The following SIL1 variants were observed in gnomAD, a reference collection of about 807,000 sequenced individuals.
The protein encoded by SIL1 is nucleotide exchange factor SIL1.
Under a neutral mutation model 49.1 loss-of-function variants are expected in SIL1, and 40 were observed. The ratio of observed to expected loss-of-function variants is 0.81; its 90% CI spans 0.63 to 1.06. The LOEUF is 1.06. SIL1 is among the 50% of genes least tolerant of loss of function. The probability of loss-of-function intolerance (pLI) is 0.00; values close to 1 mark genes in which losing one functional copy is unlikely to be tolerated. For missense variants in SIL1, 500 were observed against 572.6 expected (o/e 0.87, Z 1.29); for synonymous variants, 253 against 250.8 (o/e 1.01, Z -0.08).
At chr5:139,111,443 T>G (rs1223841564) in intron 3 of SIL1, among the ~76,000 whole-genome samples, 1 of 152,126 alleles carries the variant, frequency 6.6e-6, no homozygotes, top group Non-Finnish European at 1.5e-5. Flanking sequence ...CCTTCCAACA[T>G]ACAGAAAACC....
In SIL1 at chr5:139,180,456, GC is replaced by G. The variant is rs547875430; in HGVS notation, c.-11+17812del. 1.1e-3 allele frequency among the ~76,000 whole-genome samples: 159 copies of G among 147,198 alleles called. 1 individual carries two copies. Among genetic ancestry groups the G allele is most frequent in the African/African-American group, 2.3e-3 (93 of 39,770 alleles). On this transcript the variant is annotated intron_variant, in intron 1 of 9. Coordinates refer to ENST00000394817, the MANE Select transcript of SIL1 (RefSeq NM_022464.5). ...GACTTTTTTCTCCTACCCCAATGCT[GC>G]CTTTGTGGGTCATCTATTAGCCCCA... is the stretch of plus-strand genomic sequence containing the variant.
At chr5:139,113,674 C>G (rs1770926612) in intron 3 of SIL1, among the ~76,000 whole-genome samples, 2 of 152,196 alleles carry the variant, frequency 1.3e-5, no homozygotes, top group Non-Finnish European at 2.9e-5. Context: ...AGCTCTAGGC[C>G]AGCCCTTGAG....
At chr5:139,103,301 G>A (rs1396372261) in intron 3 of SIL1, among the ~76,000 whole-genome samples, 1 of 152,198 alleles carries the variant, frequency 6.6e-6, no homozygotes, top group Non-Finnish European at 1.5e-5. Flanking sequence ...ACCACAGCAA[G>A]TATTCCTCTT....
chr5:138,946,810 G>A lies in SIL1; in HGVS notation c.*307C>T, dbSNP rs1185395203. ...AAGCGACTTCCCAAGGTACAGAGCTGCTGCTTGGTAAGAAGCAGAGACTTG... is the reference window on the plus strand; with the variant it reads ...AAGCGACTTCCCAAGGTACAGAGCTACTGCTTGGTAAGAAGCAGAGACTTG... On this transcript the variant is annotated 3_prime_UTR_variant, in exon 10 of 10. Coordinates refer to ENST00000394817, the MANE Select transcript of SIL1 (RefSeq NM_022464.5). 3 of 455,212 alleles carry A rather than the reference G, an allele frequency of 6.6e-6. No individual in the cohort carries two copies. The highest frequency in any genetic ancestry group is 4.3e-5 in the East Asian group (1 of 23,514). The allele number at this position is 455,212 out of a possible 1,614,324, so 28.2% of individuals were successfully genotyped here.
chr5:138,986,001 G>A (rs921084375), intron 7 of SIL1, among the ~76,000 whole-genome samples: 2 of 152,156 alleles, frequency 1.3e-5, no homozygotes, highest in African/African-American at 4.8e-5. Context: ...TGATTAACAT[G>A]GCTAGTCCAC....
intron 4 of SIL1, among the ~76,000 whole-genome samples, chr5:139,049,275 C>A (rs183339644): frequency 2.0e-5 from 3 of 152,168 alleles, no homozygotes; most frequent in Non-Finnish European, 4.4e-5. Context: ...CAGGTTCAAG[C>A]GATTCTTCTG....
At chr5:139,035,295 C>T (rs1768877294) in intron 5 of SIL1, 2 of 522,352 alleles carry the variant, frequency 3.8e-6, no homozygotes, top group Admixed American at 3.9e-5. Flanking sequence ...AGATTGGTGC[C>T]GCATCTGTCA....
intron 7 of SIL1, among the ~76,000 whole-genome samples, chr5:138,978,957 T>A (rs571942034): frequency 6.6e-6 from 1 of 152,214 alleles, no homozygotes; most frequent in Non-Finnish European, 1.5e-5. Context: ...AGATAAAAAG[T>A]CCCTTACCAG....
intron 6 of SIL1, among the ~76,000 whole-genome samples, chr5:139,024,860 ATC>A (rs1768608758): frequency 6.6e-6 from 1 of 152,088 alleles, no homozygotes; most frequent in Non-Finnish European, 1.5e-5. Context: ...TCCTCCCATT[ATC>A]TCTCTGAGCT....
intron 7 of SIL1, among the ~76,000 whole-genome samples, chr5:138,974,715 A>C (rs1489863505): frequency 1.3e-5 from 2 of 152,188 alleles, no homozygotes; most frequent in South Asian, 2.1e-4. Flanking sequence ...TTGGGAAGTC[A>C]ATGCTCCTCT....
chr5:139,011,905 G>A lies in SIL1; in HGVS notation c.767+9266C>T, dbSNP rs188228172. Among the ~76,000 whole-genome samples the A allele has an allele frequency of 2.2e-3, 333 of 152,230 alleles. 1 individual carries two copies. Among genetic ancestry groups the A allele is most frequent in the Non-Finnish European group, 4.2e-3 (288 of 68,016 alleles). Reference sequence around the variant, plus strand: ...TTTCATGTATATACTAAAATACAGAGAATGGTATAATAATCCCCATGGACT... The same window carrying A: ...TTTCATGTATATACTAAAATACAGAAAATGGTATAATAATCCCCATGGACT... On this transcript the variant is annotated intron_variant, in intron 7 of 9. Transcript: ENST00000394817.
At chr5:139,097,448 G>T (rs902083401) in intron 3 of SIL1, among the ~76,000 whole-genome samples, 21 of 151,064 alleles carry the variant, frequency 1.4e-4, no homozygotes. Context: ...ATTCAGTAAA[G>T]ATACAAAATC....
At chr5:138,955,440 A>G (rs1337922296) in intron 7 of SIL1, among the ~76,000 whole-genome samples, 1 of 152,198 alleles carries the variant, frequency 6.6e-6, no homozygotes, top group Non-Finnish European at 1.5e-5. Context: ...AGGCTGCAAA[A>G]ATGGAAGTGA....
At chr5:139,176,607 T>G (rs1751888553) in intron 1 of SIL1, among the ~76,000 whole-genome samples, 1 of 152,124 alleles carries the variant, frequency 6.6e-6, no homozygotes, top group African/African-American at 2.4e-5. Context: ...TGCCAACAGA[T>G]TCAACGTCAG....
intron 3 of SIL1, among the ~76,000 whole-genome samples, chr5:139,058,306 C>CAGT (rs1434371321): frequency 1.3e-4 from 19 of 151,446 alleles, no homozygotes; most frequent in Non-Finnish European, 2.4e-4. Flanking sequence ...TAGACAGTGG[C>CAGT]AGTAATTGCA....
chr5:138,951,692 C>T (rs1766782119), intron 8 of SIL1, 96 bp downstream of exon 8: 12 of 1,168,028 alleles, frequency 1.0e-5, no homozygotes, highest in Non-Finnish European at 1.3e-5. Flanking sequence ...TGCTCAGGCC[C>T]CCATGGTAAC....
At chr5:139,128,095 A>G (rs1222347476) in intron 1 of SIL1, 2 of 526,186 alleles carry the variant, frequency 3.8e-6, no homozygotes, top group African/African-American at 3.8e-5. Flanking sequence ...TGCATAAGCT[A>G]TTACAGCCCT....
At chr5:139,092,083 G>A (rs996394784) in intron 3 of SIL1, among the ~76,000 whole-genome samples, 2 of 152,152 alleles carry the variant, frequency 1.3e-5, no homozygotes, top group Admixed American at 1.3e-4. Context: ...ACGGGAGTAT[G>A]GGAGCAGGAG....
At chr5:139,057,348 T>C (rs1224650733) in intron 3 of SIL1, among the ~76,000 whole-genome samples, 1 of 140,026 alleles carries the variant, frequency 7.1e-6, no homozygotes, top group Non-Finnish European at 1.6e-5. Flanking sequence ...AGAACATCAC[T>C]GCTAGCCTTC....
Sources: allele counts gnomAD v4.1 joint callset (sites outside exome capture counted in the v4.1 genomes callset), GRCh38; gene constraint gnomAD v4.1.1; transcripts MANE v1.5; gene names NCBI Gene and HGNC (gene_info 2026-07-23, HGNC 2026-07-21).